SLC25A26: variants seen among roughly 807,000 people sequenced by gnomAD.
SLC25A26 encodes the protein mitochondrial S-adenosylmethionine carrier protein.
SLC25A26 carries 36 observed loss-of-function variants against 37.8 expected under a neutral mutation model. The observed-to-expected ratio is 0.95, with a 90% CI of 0.73 to 1.26. The LOEUF (loss-of-function observed/expected upper bound fraction) is 1.26. Among genes scored for constraint, SLC25A26 ranks in the 50% most tolerant of loss-of-function variants. The pLI is 0.00. For missense variants in SLC25A26, 390 were observed against 331.1 expected, an observed-to-expected ratio of 1.18 and a Z score of -1.38; for synonymous variants, 129 against 122.5, an observed-to-expected ratio of 1.05 and a Z score of -0.35.
At chr3:66,230,077 A>G (rs959409010) in intron 1 of SLC25A26, among the ~76,000 whole-genome samples, 1 of 152,150 alleles carries the variant, frequency 6.6e-6, no homozygotes, top group African/African-American at 2.4e-5. Flanking sequence ...TGACTGCAAG[A>G]TTTTTTCTGA....
intron 6 of SLC25A26, among the ~76,000 whole-genome samples, chr3:66,352,078 C>G (rs1251093401): frequency 1.1e-4 from 17 of 151,862 alleles, no homozygotes; most frequent in Non-Finnish European, 2.9e-5. Flanking sequence ...GACTCCATCT[C>G]TACAAAAATT....
At chr3:66,198,312 A>G (rs2071071010) in intron 1 of SLC25A26, among the ~76,000 whole-genome samples, 1 of 151,986 alleles carries the variant, frequency 6.6e-6, no homozygotes, top group Non-Finnish European at 1.5e-5. Flanking sequence ...ATGTCTGTTA[A>G]CATGACTCTT....
At chr3:66,150,833 T>G (rs1479033126) in intron 1 of SLC25A26, among the ~76,000 whole-genome samples, 1 of 151,200 alleles carries the variant, frequency 6.6e-6, no homozygotes, top group East Asian at 2.0e-4. Context: ...TTTCAGGACT[T>G]ATTGGATATT....
At chr3:66,229,288 T>C (rs1553662168) in intron 1 of SLC25A26, among the ~76,000 whole-genome samples, 1 of 152,248 alleles carries the variant, frequency 6.6e-6, no homozygotes, top group Non-Finnish European at 1.5e-5. Context: ...TTTCCCTGTT[T>C]CATGTGTCAA....
At chr3:66,293,225 A>T (rs2074776415) in intron 5 of SLC25A26, 1 of 152,154 alleles carries the variant, frequency 6.6e-6, no homozygotes. Context: ...CAACGCGGAA[A>T]GCGTTATTTT....
intron 3 of SLC25A26, among the ~76,000 whole-genome samples, chr3:66,259,465 C>T (rs1417915027): frequency 6.6e-6 from 1 of 152,162 alleles, no homozygotes; most frequent in East Asian, 1.9e-4. Flanking sequence ...ACTTACCTCC[C>T]TTCTTCCCTG....
At chr3:66,223,581 ACTC>A (rs2071599579) in intron 1 of SLC25A26, among the ~76,000 whole-genome samples, 1 of 151,998 alleles carries the variant, frequency 6.6e-6, no homozygotes, top group African/African-American at 2.4e-5. Flanking sequence ...TTTGCTTACT[ACTC>A]TTTTACCAGT....
At chr3:66,310,787 A>G (rs531986635) in intron 5 of SLC25A26, among the ~76,000 whole-genome samples, 1 of 152,310 alleles carries the variant, frequency 6.6e-6, no homozygotes, top group East Asian at 1.9e-4. Context: ...CTGGGTTGAA[A>G]GTTCTTTTCT....
At chr3:66,211,497 G>A (rs1473872094) in intron 1 of SLC25A26, among the ~76,000 whole-genome samples, 6 of 152,160 alleles carry the variant, frequency 3.9e-5, no homozygotes, top group African/African-American at 7.2e-5. Context: ...GGGTCTTGCG[G>A]CTCTTAATAT....
chr3:66,156,891 C>A (rs981838298), intron 1 of SLC25A26, among the ~76,000 whole-genome samples: 17 of 152,050 alleles, frequency 1.1e-4, no homozygotes, highest in Non-Finnish European at 2.2e-4. Flanking sequence ...AACAGGCTTC[C>A]ATGGAAAGGA....
At chr3:66,318,151 A>G (rs2075591213) in intron 5 of SLC25A26, among the ~76,000 whole-genome samples, 11 of 152,056 alleles carry the variant, frequency 7.2e-5, no homozygotes. Flanking sequence ...CCCCCTTCCC[A>G]TGGGAGTGGA....
intron 1 of SLC25A26, among the ~76,000 whole-genome samples, chr3:66,185,027 A>G (rs1049936425): frequency 2.2e-4 from 34 of 152,360 alleles, no homozygotes; most frequent in African/African-American, 7.5e-4. Flanking sequence ...AGTGGCACTA[A>G]GTACATTCAC....
chr3:66,269,249 G>A (rs533731736), intron 5 of SLC25A26, among the ~76,000 whole-genome samples: 1 of 152,154 alleles, frequency 6.6e-6, no homozygotes, highest in Non-Finnish European at 1.5e-5. Context: ...TAGGTTGTTG[G>A]GTTCTTTAAC....
At chr3:66,273,725 A>G (rs143961921) in intron 5 of SLC25A26, among the ~76,000 whole-genome samples, 42 of 152,292 alleles carry the variant, frequency 2.8e-4, no homozygotes, top group East Asian at 1.3e-3. Context: ...GAGAACTACA[A>G]AGCACTGCTC....
chr3:66,173,020 G>A (rs1349406780), intron 1 of SLC25A26, among the ~76,000 whole-genome samples: 2 of 152,178 alleles, frequency 1.3e-5, no homozygotes, highest in East Asian at 3.9e-4. Context: ...AACCCCAACA[G>A]GCTTCAACAG....
intron 1 of SLC25A26, among the ~76,000 whole-genome samples, chr3:66,228,262 C>A (rs1395727886): frequency 6.6e-6 from 1 of 152,204 alleles, no homozygotes; most frequent in African/African-American, 2.4e-5. Flanking sequence ...ATCTCTACTA[C>A]CCACAGATGG....
Position 66,209,653 on chromosome 3 carries a change from GAT to G in SLC25A26, c.-353-11081_-353-11080del, listed in dbSNP as rs1174565386. The stretch of plus-strand genomic sequence containing the variant: ...ATTTTATATATATATACCTTTTATA[GAT>G]ATATATAAATATATATATTTTATAG... On this transcript the variant is annotated intron_variant, in intron 1 of 10. Coordinates refer to the SLC25A26 transcript ENST00000676754. 5.4e-3 allele frequency among the ~76,000 whole-genome samples: 709 copies of G among 131,490 alleles called. 12 individuals carry two copies. Among genetic ancestry groups the G allele is most frequent in the African/African-American group, 0.014 (515 of 36,260 alleles). 86.3% of individuals were successfully genotyped at this position (131,490 alleles called of 152,430 possible). A position where few individuals can be genotyped will look rare whatever the true frequency, so the allele number is the denominator to read the frequency against.
chr3:66,172,461 A>G (rs186392645), intron 1 of SLC25A26, among the ~76,000 whole-genome samples: 1 of 151,336 alleles, frequency 6.6e-6, no homozygotes, highest in East Asian at 1.9e-4. Context: ...GAGAGAAAGA[A>G]AGAAAAAAAT....
At chr3:66,187,290 C>T (rs1045716628) in intron 1 of SLC25A26, among the ~76,000 whole-genome samples, 3 of 152,022 alleles carry the variant, frequency 2.0e-5, no homozygotes, top group African/African-American at 7.3e-5. Context: ...TCCCCTGACC[C>T]TCACCTGAAA....
Sources: allele counts gnomAD v4.1 joint callset (sites outside exome capture counted in the v4.1 genomes callset), GRCh38; gene constraint gnomAD v4.1.1; transcripts MANE v1.5; gene names NCBI Gene and HGNC (gene_info 2026-07-23, HGNC 2026-07-21).